The following BNC2 variants were observed in gnomAD, a reference collection of about 807,000 sequenced individuals.
The protein encoded by BNC2 is basonuclin zinc finger protein 2.
In BNC2, 20 loss-of-function variants were observed where a neutral mutation model predicts 76.3. The observed-to-expected ratio is 0.26, with a 90% confidence interval of 0.18 to 0.38. The LOEUF (loss-of-function observed/expected upper bound fraction) is 0.38, where lower values mean the gene tolerates loss of function less well. Ranked by LOEUF, BNC2 falls within the 10% of genes least tolerant of loss-of-function variation. BNC2 has a pLI of 1.00. For missense variants in BNC2, 1,382 were observed against 1,399.8 expected (o/e 0.99, Z 0.20); for synonymous variants, 582 against 514.8 (o/e 1.13, Z -1.77).
intron 1 of BNC2, among the ~76,000 whole-genome samples, chr9:16,861,916 G>C (rs1463658343): frequency 1.3e-5 from 2 of 151,992 alleles, no homozygotes; most frequent in African/African-American, 4.8e-5. Flanking sequence ...GTGAACCTGG[G>C]AGGTGGAGCT....
intron 5 of BNC2, among the ~76,000 whole-genome samples, chr9:16,522,356 A>G (rs1029903012): frequency 1.3e-5 from 2 of 152,206 alleles, no homozygotes; most frequent in Admixed American, 6.5e-5. Context: ...CCCGATTGAT[A>G]TAAATTCCAT....
chr9:16,437,604 G>A, intron 5 of BNC2, 80 bp from the exon 6 acceptor site: 7 of 1,479,836 alleles, frequency 4.7e-6, no homozygotes, highest in Non-Finnish European at 6.4e-6. Context: ...GCAACTGAAG[G>A]TGCTCTGTGT....
At chr9:16,694,913 G>C (rs1823291690) in intron 3 of BNC2, among the ~76,000 whole-genome samples, 1 of 152,100 alleles carries the variant, frequency 6.6e-6, no homozygotes, top group Non-Finnish European at 1.5e-5. Context: ...ACTGGGGTGA[G>C]AACTAGGGGA....
intron 5 of BNC2, among the ~76,000 whole-genome samples, chr9:16,455,793 C>CAAAA (rs34195206): frequency 1.4e-5 from 2 of 141,588 alleles, no homozygotes; most frequent in Admixed American, 7.0e-5. Flanking sequence ...ACTCCATCTC[C>CAAAA]AAAAAAAAAA....
intron 3 of BNC2, among the ~76,000 whole-genome samples, chr9:16,672,593 G>C (rs148179955): frequency 6.6e-6 from 1 of 152,066 alleles, no homozygotes; most frequent in Non-Finnish European, 1.5e-5. Context: ...CGATTTTATC[G>C]TATCACACTC....
chr9:16,450,600 C>T (rs367769945), intron 5 of BNC2, among the ~76,000 whole-genome samples: 5 of 152,198 alleles, frequency 3.3e-5, no homozygotes, highest in African/African-American at 4.8e-5. Flanking sequence ...TAAATCAAAT[C>T]GCCTTATGAC....
chr9:16,589,595 G>C (rs1445797006), intron 3 of BNC2, among the ~76,000 whole-genome samples: 2 of 151,864 alleles, frequency 1.3e-5, no homozygotes, highest in Non-Finnish European at 2.9e-5. Context: ...TGCAACCTCC[G>C]CCTCCAGGGT....
Position 16,436,485 on chromosome 9 carries a change from G to A in BNC2, c.1709C>T (p.Pro570Leu). The change falls in exon 6 of 7, where the codon CCT (proline) becomes CTT (leucine). Residue 570 changes from proline (P) to leucine (L), a missense_variant. By Grantham distance (98) the Pro-to-Leu change is moderately conservative. Transcript: ENST00000380672. ...FSGLKTVQPV[P>L]PFYRSLLTPG... is the part of the protein sequence containing the mutation. ...AGTGAGTAAACTTCTATAAAATGGA[G>A]GAACTGGTTGTACAGTCTTTAGCCC... 6.2e-7 allele frequency: 1 copy of A among 1,614,134 alleles called. No homozygotes were observed. The highest frequency in any genetic ancestry group is 8.5e-7 in the Non-Finnish European group (1 of 1,180,040).
intron 1 of BNC2, among the ~76,000 whole-genome samples, chr9:16,783,972 A>C (rs2135573996): frequency 6.6e-6 from 1 of 152,332 alleles, no homozygotes; most frequent in South Asian, 2.1e-4. Flanking sequence ...TTTCAAGCAA[A>C]GTAATTAGTG....
intron 5 of BNC2, among the ~76,000 whole-genome samples, chr9:16,439,231 C>T (rs1303671190): frequency 6.6e-6 from 1 of 152,092 alleles, no homozygotes; most frequent in Non-Finnish European, 1.5e-5. Context: ...TTTATTAGTA[C>T]ATGGGAATGG....
At chr9:16,785,050 A>C (rs966854073) in intron 1 of BNC2, among the ~76,000 whole-genome samples, 4 of 152,250 alleles carry the variant, frequency 2.6e-5, no homozygotes, top group African/African-American at 9.6e-5. Flanking sequence ...TATGCTACAA[A>C]GCATTTTATA....
At chr9:16,435,065 G>A (rs1232392788) in intron 6 of BNC2, 3 of 471,292 alleles carry the variant, frequency 6.4e-6, no homozygotes, top group South Asian at 4.6e-5. Context: ...CGATGTCCTG[G>A]ACCTATGGTT....
chr9:16,787,675 T>G (rs541285095), intron 1 of BNC2, among the ~76,000 whole-genome samples: 1 of 152,154 alleles, frequency 6.6e-6, no homozygotes, highest in East Asian at 1.9e-4. Context: ...TGGCCACCGC[T>G]TCCTACAGTG....
chr9:16,682,163 T>C lies in BNC2; in HGVS notation c.330+45634A>G, dbSNP rs1246938378. Among the ~76,000 whole-genome samples the C allele has an allele frequency of 5.3e-5, 8 of 151,832 alleles. No homozygotes were observed. The East Asian group carries it at 1.6e-3, about 30-fold the overall frequency. ...AAGGAGAACTTCAGATTTTGTTTAG[T>C]TCATACTGTTGTTAAAAAATATAGA... On this transcript the variant is annotated intron_variant, in intron 3 of 6. Coordinates refer to ENST00000380672, the MANE Select transcript of BNC2 (RefSeq NM_017637.6).
At chr9:16,640,872 C>G (rs1401204898) in intron 3 of BNC2, among the ~76,000 whole-genome samples, 1 of 152,108 alleles carries the variant, frequency 6.6e-6, no homozygotes, top group East Asian at 1.9e-4. Flanking sequence ...GATTTCAGTT[C>G]TTACAGTGAA....
rs147305301 is a variant in BNC2, at chr9:16,760,859, G to C, written c.4-22374C>G. ...AGAGGGAAACAGGGGAAAAAATAATGAGTGCTGCAGCATTTCTTTAAAAAA... is the reference window on the plus strand; with the variant it reads ...AGAGGGAAACAGGGGAAAAAATAATCAGTGCTGCAGCATTTCTTTAAAAAA... On this transcript the variant is annotated intron_variant, in intron 1 of 6. Coordinates refer to ENST00000380672, the MANE Select transcript of BNC2 (RefSeq NM_017637.6). Among the ~76,000 whole-genome samples, 1,373 of 152,162 alleles carry C rather than the reference G, an allele frequency of 9.0e-3. 27 individuals are homozygous for C. Among genetic ancestry groups the C allele is most frequent in the African/African-American group, 0.031 (1,300 of 41,512 alleles).
intron 1 of BNC2, among the ~76,000 whole-genome samples, chr9:16,856,283 A>T (rs1206663147): frequency 3.6e-4 from 54 of 149,820 alleles, no homozygotes; most frequent in Admixed American, 1.3e-3. Context: ...TCTCTCACAC[A>T]CACACACACA....
At position 16,430,195 on chromosome 9, in the gene BNC2, G is replaced by GA. The variant is rs1204045825; in HGVS notation, c.2639+5359dup. ...TTGTGAAACCAAATAGAGTAGCAGG[G>GA]AAAAAAAAAAAACTCTTCCTTAACA... On this transcript the variant is annotated intron_variant, in intron 6 of 6. Transcript: ENST00000380672. 4.7e-3 allele frequency among the ~76,000 whole-genome samples: 668 copies of GA among 141,676 alleles called. 1 individual carries two copies. The highest frequency in any genetic ancestry group is 9.6e-3 in the African/African-American group (375 of 38,864). 92.9% of individuals were successfully genotyped at this position (141,676 alleles called of 152,430 possible).
At chr9:16,602,672 G>C (rs576132859) in intron 3 of BNC2, among the ~76,000 whole-genome samples, 1 of 152,276 alleles carries the variant, frequency 6.6e-6, no homozygotes, top group South Asian at 2.1e-4. Context: ...ATGGACCTTT[G>C]TCTTAGAGGA....
Sources: gnomAD v4.1 joint callset for allele counts (sites outside exome capture counted in the v4.1 genomes callset) on GRCh38, gnomAD v4.1.1 for gene constraint, MANE v1.5 for transcripts, NCBI Gene and HGNC (gene_info 2026-07-23, HGNC 2026-07-21) for gene names.